IL1R2: variants seen among roughly 807,000 people sequenced by gnomAD.
IL1R2 encodes the protein interleukin 1 receptor type 2, also known as interleukin-1 receptor type 2.
A neutral mutation model predicts 39.5 loss-of-function variants in IL1R2; 46 were observed. The ratio of observed to expected loss-of-function variants is 1.16; its 90% confidence interval spans 0.92 to 1.49. The LOEUF (loss-of-function observed/expected upper bound fraction) is 1.49, where lower values mean the gene tolerates loss of function less well. Ranked by LOEUF, IL1R2 falls within the 40% of genes most tolerant of loss-of-function variation. The pLI, the probability that IL1R2 is intolerant of heterozygous loss-of-function variation, is 0.00. For synonymous variants in IL1R2, 207 were observed against 189.6 expected (o/e 1.09, Z -0.75); for missense variants, 537 against 502.0 (o/e 1.07, Z -0.67).
intron 6 of IL1R2, 91 bp downstream of exon 6, chr2:102,022,340 C>A: frequency 1.9e-6 from 2 of 1,038,214 alleles, no homozygotes; most frequent in South Asian, 1.3e-5. Flanking sequence ...GTCTGCTGAT[C>A]ATACCTGCTC....
Position 102,028,339 on chromosome 2 carries a change from G to T in IL1R2, c.1144G>T (p.Gly382Cys). 1 of 1,610,316 alleles carries T rather than the reference G, an allele frequency of 6.2e-7. No individual in the cohort carries two copies. Among genetic ancestry groups the T allele is most frequent in the Non-Finnish European group, 8.5e-7 (1 of 1,178,532 alleles). The change falls in exon 9 of 9, where the codon GGT becomes TGT. Residue 382 changes from glycine to cysteine, a missense_variant. By Grantham distance (159) the Gly-to-Cys change is radical (BLOSUM62 -3). Transcript: ENST00000332549. ...CAAACACAGAACTGGAAAAGCAGAT[G>T]GTCTGACTGTGCTATGGCCTCATCA... is the stretch of plus-strand genomic sequence containing the variant. ...RCKHRTGKAD[G>C]LTVLWPHHQD...
At chr2:102,010,010 T>A (rs1464705970) in intron 3 of IL1R2, 184 bp downstream of exon 3, 5 of 683,706 alleles carry the variant, frequency 7.3e-6, no homozygotes, top group Non-Finnish European at 1.2e-5. Context: ...TGTCTCCATT[T>A]AGTCTTTGCT....
intron 5 of IL1R2, among the ~76,000 whole-genome samples, chr2:102,021,305 C>CTT (rs546019141): frequency 0.13 from 15,779 of 122,620 alleles, 975 homozygotes; most frequent in East Asian, 0.25. Context: ...CTTTTCTTTT[C>CTT]TTTTTTTTTT....
intron 3 of IL1R2, 74 bp from the exon 4 acceptor site, chr2:102,015,797 A>C: frequency 8.4e-7 from 1 of 1,187,830 alleles, no homozygotes; most frequent in South Asian, 1.3e-5. Context: ...GAGTTGGGGA[A>C]ATGATGCTTA....
intron 8 of IL1R2, among the ~76,000 whole-genome samples, chr2:102,027,077 T>C (rs1004921098): frequency 2.0e-5 from 3 of 152,236 alleles, no homozygotes; most frequent in Non-Finnish European, 2.9e-5. Flanking sequence ...AACTGTGCGC[T>C]GTGCACCACC....
chr2:102,013,547 AAAAAAG>A lies in IL1R2; in HGVS notation c.333-2323_333-2318del, dbSNP rs1213551910. 6.3e-3 allele frequency among the ~76,000 whole-genome samples: 900 copies of A among 143,956 alleles called. 19 individuals carry two copies. Among genetic ancestry groups the A allele is most frequent in the African/African-American group, 0.023 (864 of 37,872 alleles). The allele number at this position is 143,956 out of a possible 152,430, so 94.4% of individuals were successfully genotyped here. ...TGCAAAAAAAAAAAAAAAAAAAAAA[AAAAAAG>A]GAAAGAAAGAAAAGAAAAGAAGGAA... On this transcript the variant is annotated intron_variant, in intron 3 of 8. Transcript: ENST00000332549.
intron 7 of IL1R2, 61 bp downstream of exon 7, chr2:102,024,729 A>G: frequency 2.5e-6 from 4 of 1,608,016 alleles, no homozygotes; most frequent in Non-Finnish European, 3.4e-6. Context: ...TTTTGGAGAC[A>G]GTTATCACTA....
At chr2:101,998,621 T>C (rs1675700961) in intron 1 of IL1R2, among the ~76,000 whole-genome samples, 2 of 152,228 alleles carry the variant, frequency 1.3e-5, no homozygotes, top group African/African-American at 4.8e-5. Context: ...AGCTGGTGAA[T>C]GGACTCATCT....
chr2:102,017,691 A>C (rs865918798), intron 4 of IL1R2, among the ~76,000 whole-genome samples: 33 of 152,212 alleles, frequency 2.2e-4, no homozygotes, highest in African/African-American at 7.2e-4. Flanking sequence ...ATGATGTGAA[A>C]ATCACATAAA....
At chr2:102,013,562 GA>G (rs1559421451) in intron 3 of IL1R2, among the ~76,000 whole-genome samples, 2 of 36,136 alleles carry the variant, frequency 5.5e-5, no homozygotes, top group African/African-American at 1.1e-4. Flanking sequence ...AGGAAAGAAA[GA>G]AAAGAAAAGA....
At chr2:101,997,210 C>T (rs756239624) in intron 1 of IL1R2, among the ~76,000 whole-genome samples, 3 of 152,280 alleles carry the variant, frequency 2.0e-5, no homozygotes, top group Admixed American at 6.5e-5. Context: ...TGGGAAAACC[C>T]GAGGTCTGGT....
chr2:102,024,141 A>G (rs559618200), intron 6 of IL1R2, among the ~76,000 whole-genome samples: 65 of 152,298 alleles, frequency 4.3e-4, no homozygotes, highest in African/African-American at 1.5e-3. Context: ...AGTTCCCAGG[A>G]GAAACATTAG....
chr2:102,008,965 G>T (rs1676447057), intron 2 of IL1R2, among the ~76,000 whole-genome samples: 1 of 151,376 alleles, frequency 6.6e-6, no homozygotes, highest in Non-Finnish European at 1.5e-5. Context: ...GGAGGTTGAG[G>T]CTGCAGTGAG....
At chr2:102,020,507 G>A (rs952434524) in intron 5 of IL1R2, among the ~76,000 whole-genome samples, 1 of 152,186 alleles carries the variant, frequency 6.6e-6, no homozygotes, top group Admixed American at 6.5e-5. Context: ...ACTGAATAAT[G>A]ATCACAACTG....
intron 3 of IL1R2, 52 bp from the exon 4 acceptor site, chr2:102,015,819 C>CT: frequency 7.1e-7 from 1 of 1,407,194 alleles, no homozygotes; most frequent in Non-Finnish European, 1.0e-6. Flanking sequence ...TTTCATTTAG[C>CT]TTTACTTTTA....
In IL1R2 at chr2:102,008,640, C is replaced by G. The variant is rs769041254; in HGVS notation, c.65C>G (p.Thr22Arg). The G allele has an allele frequency of 3.1e-6, 5 of 1,613,396 alleles. No individual in the cohort carries two copies. The East Asian group carries it at 1.1e-4, about 36-fold the overall frequency. Residue 22 changes from threonine to arginine, a missense_variant and splice_region_variant, in exon 2 of 9, where the codon ACA (threonine) becomes AGA (arginine). By Grantham distance (71) the Thr-to-Arg change is moderately conservative. Transcript: ENST00000332549. The stretch of plus-strand genomic sequence containing the variant: ...TTCACCCTTCAGCCTGCGGCACACA[C>G]AGGTTAGAAGTAAACCTTTCAGATG... Reference protein sequence around the residue: ...SAFTLQPAAHTGAARSCRFRG... With the variant: ...SAFTLQPAAHRGAARSCRFRG...
chr2:102,012,558 C>T (rs915607474), intron 3 of IL1R2, among the ~76,000 whole-genome samples: 1 of 141,782 alleles, frequency 7.1e-6, no homozygotes, highest in Non-Finnish European at 1.5e-5. Context: ...TGTGTGTGTG[C>T]ATGTGCGTGC....
chr2:102,022,029 G>T, intron 5 of IL1R2, 158 bp from the exon 6 acceptor site: 3 of 651,796 alleles, frequency 4.6e-6, no homozygotes, highest in Non-Finnish European at 5.5e-6. Flanking sequence ...GCTCGATTTT[G>T]TAGAGAGCCT....
intron 1 of IL1R2, among the ~76,000 whole-genome samples, chr2:101,995,950 C>A (rs2150416991): frequency 6.6e-6 from 1 of 152,306 alleles, no homozygotes; most frequent in Non-Finnish European, 1.5e-5. Context: ...GGACCTCAGC[C>A]TGCTGCCCAG....
Sources: allele counts gnomAD v4.1 joint callset (sites outside exome capture counted in the v4.1 genomes callset), GRCh38; gene constraint gnomAD v4.1.1; transcripts MANE v1.5; gene names NCBI Gene and HGNC (gene_info 2026-07-23, HGNC 2026-07-21).